WDR17: variants seen among roughly 807,000 people sequenced by gnomAD.
The protein encoded by WDR17 is WD repeat domain 17, also known as WD repeat-containing protein 17.
In WDR17, 143 loss-of-function variants were observed where a neutral mutation model predicts 161.7. That is an observed-to-expected ratio of 0.88 (90% CI 0.77 to 1.02). The LOEUF (loss-of-function observed/expected upper bound fraction) is 1.02, where lower values mean the gene tolerates loss of function less well. Among genes scored for constraint, WDR17 ranks in the 50% least tolerant of loss-of-function variants. The pLI, the probability that WDR17 is intolerant of heterozygous loss-of-function variation, is 0.00. For missense variants in WDR17, 1,469 were observed against 1,520.9 expected (o/e 0.97, Z 0.57); for synonymous variants, 517 against 515.6 (o/e 1.00, Z -0.04).
chr4:176,163,231 A>G lies in WDR17; in HGVS notation c.2928A>G (p.Ala976=), dbSNP rs201127149. Reference sequence around the variant, plus strand: ...TGGGCACAGTACTAGGAGAGTCTGCAGCACCAGCAACCCACTATGCCTTAG... The same window carrying G: ...TGGGCACAGTACTAGGAGAGTCTGCGGCACCAGCAACCCACTATGCCTTAG... ...VCVGTVLGES[A]APATHYALEL... is the part of the protein sequence containing the mutation. The change falls in exon 22 of 29, where the codon GCA becomes GCG. Residue 976 remains alanine, a synonymous_variant. Transcript: ENST00000508596. 6.2e-7 allele frequency: 1 copy of G among 1,614,012 alleles called. No homozygotes were observed. The highest frequency in any genetic ancestry group is 2.2e-5 in the East Asian group (1 of 44,864).
chr4:176,144,864 A>G (rs1745911053), intron 11 of WDR17, among the ~76,000 whole-genome samples: 1 of 151,944 alleles, frequency 6.6e-6, no homozygotes, highest in Non-Finnish European at 1.5e-5. Context: ...TTCTGACTTT[A>G]TGTATCTGTA....
intron 22 of WDR17, among the ~76,000 whole-genome samples, chr4:176,164,939 C>T (rs1474228401): frequency 5.3e-5 from 8 of 151,960 alleles, no homozygotes; most frequent in Admixed American, 5.2e-4. Context: ...AGCATGAAGC[C>T]TAATTGAAAT....
At position 176,171,149 on chromosome 4, in the gene WDR17, C is replaced by A. The variant is rs532344827; in HGVS notation, c.3103-1226C>A. 2.4e-3 allele frequency among the ~76,000 whole-genome samples: 364 copies of A among 152,252 alleles called. 1 individual carries two copies. Among genetic ancestry groups the A allele is most frequent in the Non-Finnish European group, 4.4e-3 (299 of 68,012 alleles). On this transcript the variant is annotated intron_variant, in intron 23 of 28. Transcript: ENST00000508596. ...TGTTGCTTTTACACTACCATAAAGT[C>A]AAAACATAAGTTGGGGACTGTCTGT...
At chr4:176,113,761 G>T (rs991938757) in intron 2 of WDR17, among the ~76,000 whole-genome samples, 2 of 151,824 alleles carry the variant, frequency 1.3e-5, no homozygotes, top group African/African-American at 4.8e-5. Context: ...CTGATAATCG[G>T]TCACACTCTG....
intron 1 of WDR17, among the ~76,000 whole-genome samples, chr4:176,095,159 A>G (rs908663213): frequency 6.6e-6 from 1 of 152,200 alleles, no homozygotes; most frequent in African/African-American, 2.4e-5. Flanking sequence ...TTGCAACTCA[A>G]AATACGATAA....
chr4:176,126,410 C>T (rs959536428), intron 5 of WDR17, among the ~76,000 whole-genome samples: 3 of 152,128 alleles, frequency 2.0e-5, no homozygotes, highest in Non-Finnish European at 4.4e-5. Flanking sequence ...CCCATATTTG[C>T]TTAGCGTAAA....
chr4:176,124,039 A>G (rs1321266921), intron 4 of WDR17, among the ~76,000 whole-genome samples: 1 of 152,256 alleles, frequency 6.6e-6, no homozygotes, highest in African/African-American at 2.4e-5. Flanking sequence ...ATTTTACGAT[A>G]TCATAGTCTC....
intron 28 of WDR17, 39 bp downstream of exon 28, chr4:176,177,693 AT>A (rs1268424941): frequency 2.0e-6 from 3 of 1,527,994 alleles, no homozygotes; most frequent in Admixed American, 5.0e-5. Flanking sequence ...GTATTTCACC[AT>A]TTTACATGTT....
intron 22 of WDR17, among the ~76,000 whole-genome samples, chr4:176,164,759 A>G (rs1000346537): frequency 3.3e-5 from 5 of 152,196 alleles, no homozygotes; most frequent in Non-Finnish European, 7.3e-5. Flanking sequence ...ATTTTTACAT[A>G]TATCTTACAG....
chr4:176,070,535 T>A (rs1421574554), intron 1 of WDR17, among the ~76,000 whole-genome samples: 1 of 152,144 alleles, frequency 6.6e-6, no homozygotes, highest in African/African-American at 2.4e-5. Context: ...TCTTTTCTTT[T>A]TTTCTTCTGA....
At chr4:176,177,197 T>C (rs756271861) in intron 27 of WDR17, 41 bp downstream of exon 27, 3 of 1,534,990 alleles carry the variant, frequency 2.0e-6, no homozygotes, top group South Asian at 2.2e-5. Context: ...CAGAAGGTAT[T>C]TGATGTTATA....
chr4:176,078,746 T>C (rs1734374234), intron 1 of WDR17, among the ~76,000 whole-genome samples: 1 of 152,064 alleles, frequency 6.6e-6, no homozygotes, highest in African/African-American at 2.4e-5. Context: ...ATTTTTTAAT[T>C]AATTTATTTT....
At chr4:176,120,130 G>A in intron 4 of WDR17, 33 bp downstream of exon 4, 2 of 1,514,208 alleles carry the variant, frequency 1.3e-6, no homozygotes, top group Admixed American at 1.9e-5. Flanking sequence ...ATCTTAAATA[G>A]TATATTTTTC....
chr4:176,148,427 T>G (rs1579189863), intron 13 of WDR17, 92 bp downstream of exon 13: 2 of 1,107,318 alleles, frequency 1.8e-6, no homozygotes, highest in East Asian at 2.5e-5. Flanking sequence ...TTGAAGAAGT[T>G]ATACAGTGTT....
intron 6 of WDR17, among the ~76,000 whole-genome samples, chr4:176,129,328 G>C (rs1420037449): frequency 1.3e-5 from 2 of 151,960 alleles, no homozygotes; most frequent in Non-Finnish European, 2.9e-5. Context: ...TTGTCACTAA[G>C]TTAGTAGTTA....
At chr4:176,097,208 C>A (rs898071539) in intron 1 of WDR17, among the ~76,000 whole-genome samples, 72 of 151,948 alleles carry the variant, frequency 4.7e-4, no homozygotes, top group African/African-American at 1.7e-3. Context: ...TATATGATTT[C>A]TCTTCGATTA....
At chr4:176,158,626 A>G (rs1052646445) in intron 18 of WDR17, among the ~76,000 whole-genome samples, 1 of 152,188 alleles carries the variant, frequency 6.6e-6, no homozygotes. Context: ...TCTGGATCAC[A>G]TGGAGGTTAT....
At chr4:176,080,324 A>G (rs1048656250) in intron 1 of WDR17, among the ~76,000 whole-genome samples, 2 of 152,010 alleles carry the variant, frequency 1.3e-5, no homozygotes, top group African/African-American at 4.8e-5. Flanking sequence ...TGGTATTTAA[A>G]TTTCTAAAAC....
In WDR17 at chr4:176,160,076, C is replaced by T. The variant is rs371532919; in HGVS notation, c.2608C>T (p.His870Tyr). 21 of 1,613,692 alleles carry T rather than the reference C, an allele frequency of 1.3e-5. No homozygotes were observed. The highest frequency in any genetic ancestry group is 1.8e-5 in the Non-Finnish European group (21 of 1,179,844). Reference sequence around the variant, plus strand: ...CATTGGTGATGTGAAAAAGCTAGTCCATTTTTTCATGTCAAGAGGTCAGCT... The same window carrying T: ...CATTGGTGATGTGAAAAAGCTAGTCTATTTTTTCATGTCAAGAGGTCAGCT... ...IAIGDVKKLV[H>Y]FFMSRGQLKE... is the part of the protein sequence containing the mutation. Residue 870 changes from histidine to tyrosine, a missense_variant, in exon 19 of 29, where the codon CAT (histidine) becomes TAT (tyrosine). Transcript: ENST00000508596.
Sources: gnomAD v4.1 joint callset for allele counts (sites outside exome capture counted in the v4.1 genomes callset) on GRCh38, gnomAD v4.1.1 for gene constraint, MANE v1.5 for transcripts, NCBI Gene and HGNC (gene_info 2026-07-23, HGNC 2026-07-21) for gene names.